The following NRG3 variants were observed in gnomAD, a reference collection of about 807,000 sequenced individuals.
NRG3 encodes the protein pro-neuregulin-3, membrane-bound isoform.
NRG3 carries 31 observed loss-of-function variants against 66.9 expected under a neutral mutation model. The ratio of observed to expected loss-of-function variants is 0.46; its 90% CI spans 0.35 to 0.63. The LOEUF (loss-of-function observed/expected upper bound fraction) is 0.63, where lower values mean the gene tolerates loss of function less well. NRG3 is among the 20% of genes least tolerant of loss of function. NRG3 has a pLI of 0.00. For synonymous variants in NRG3, 393 were observed against 359.4 expected (o/e 1.09, Z -1.06); for missense variants, 910 against 878.9 (o/e 1.04, Z -0.45).
At chr10:81,889,643 C>G (rs1564634432) in intron 1 of NRG3, 2 of 152,152 alleles carry the variant, frequency 1.3e-5, no homozygotes, top group Non-Finnish European at 2.9e-5. Flanking sequence ...AATGGCATCT[C>G]TCTTCTATTT....
chr10:82,145,087 T>C (rs1042324105), intron 1 of NRG3, among the ~76,000 whole-genome samples: 9 of 152,222 alleles, frequency 5.9e-5, no homozygotes, highest in Admixed American at 2.0e-4. Flanking sequence ...GTCTGCATTG[T>C]TTGCATTGCT....
chr10:82,575,179 T>C (rs1326585059), intron 2 of NRG3, among the ~76,000 whole-genome samples: 2 of 151,666 alleles, frequency 1.3e-5, no homozygotes, highest in Non-Finnish European at 2.9e-5. Context: ...ACACAAGAAA[T>C]ATATACATTT....
At chr10:81,998,748 C>A (rs973777897) in intron 1 of NRG3, among the ~76,000 whole-genome samples, 1 of 152,176 alleles carries the variant, frequency 6.6e-6, no homozygotes, top group Non-Finnish European at 1.5e-5. Flanking sequence ...AGAAATAAGT[C>A]TAGCCAAAAG....
intron 4 of NRG3, among the ~76,000 whole-genome samples, chr10:82,872,456 C>T (rs555251208): frequency 6.6e-6 from 1 of 152,204 alleles, no homozygotes; most frequent in Admixed American, 6.5e-5. Flanking sequence ...TATTAGTGAG[C>T]TTACTGATCA....
chr10:82,850,115 A>G (rs1292930322), intron 3 of NRG3, among the ~76,000 whole-genome samples: 1 of 152,202 alleles, frequency 6.6e-6, no homozygotes, highest in African/African-American at 2.4e-5. Flanking sequence ...AGCATTGCAT[A>G]TACAAGGAAA....
At chr10:82,540,357 T>G (rs753866733) in intron 2 of NRG3, among the ~76,000 whole-genome samples, 11 of 152,190 alleles carry the variant, frequency 7.2e-5, no homozygotes, top group Non-Finnish European at 1.6e-4. Context: ...TTCTTTCTCT[T>G]TTTTTCCCTT....
At chr10:81,947,801 A>G (rs898427734) in intron 1 of NRG3, among the ~76,000 whole-genome samples, 2 of 152,102 alleles carry the variant, frequency 1.3e-5, no homozygotes, top group Non-Finnish European at 2.9e-5. Flanking sequence ...TCAGCACTTC[A>G]TTATCGCAGG....
intron 2 of NRG3, among the ~76,000 whole-genome samples, chr10:82,470,374 T>C (rs1333279572): frequency 6.6e-5 from 10 of 152,202 alleles, no homozygotes; most frequent in Non-Finnish European, 1.5e-5. Context: ...AGGCTTCAAT[T>C]TTCTCCTCTC....
At chr10:82,955,065 G>A (rs1183437057) in intron 5 of NRG3, 7 of 151,756 alleles carry the variant, frequency 4.6e-5, no homozygotes, top group Admixed American at 6.6e-5. Context: ...CTGCCCAGAG[G>A]GAGCTGAGAC....
At chr10:82,217,566 G>T (rs1007356705) in intron 1 of NRG3, among the ~76,000 whole-genome samples, 1 of 152,178 alleles carries the variant, frequency 6.6e-6, no homozygotes, top group African/African-American at 2.4e-5. Context: ...GCTTTTCCCA[G>T]CTGTAAAATG....
At chr10:82,927,357 A>AT (rs906770871) in intron 4 of NRG3, among the ~76,000 whole-genome samples, 14 of 152,118 alleles carry the variant, frequency 9.2e-5, no homozygotes, top group African/African-American at 3.4e-4. Flanking sequence ...TATGGAATGT[A>AT]TTTTTTTATT....
chr10:82,367,561 T>C (rs2084621470), intron 2 of NRG3, among the ~76,000 whole-genome samples: 1 of 152,150 alleles, frequency 6.6e-6, no homozygotes, highest in African/African-American at 2.4e-5. Flanking sequence ...ATAAATATTT[T>C]TTAAAGATAA....
chr10:82,760,476 G>C (rs981329325), intron 3 of NRG3, among the ~76,000 whole-genome samples: 6 of 152,042 alleles, frequency 3.9e-5, no homozygotes, highest in Non-Finnish European at 8.8e-5. Context: ...CCAAGGAAGA[G>C]AAAAACATTA....
intron 2 of NRG3, among the ~76,000 whole-genome samples, chr10:82,365,691 G>A (rs2084475383): frequency 1.3e-5 from 2 of 151,986 alleles, no homozygotes; most frequent in Non-Finnish European, 2.9e-5. Context: ...TTTGGATATG[G>A]ATATTTAAGT....
At chr10:82,741,961 T>C (rs767154268) in intron 3 of NRG3, among the ~76,000 whole-genome samples, 1 of 152,192 alleles carries the variant, frequency 6.6e-6, no homozygotes. Flanking sequence ...TGAAATTTCC[T>C]TGTCAAAATT....
intron 2 of NRG3, among the ~76,000 whole-genome samples, chr10:82,515,288 G>A (rs189863991): frequency 1.8e-4 from 27 of 152,088 alleles, no homozygotes; most frequent in Non-Finnish European, 2.9e-4. Context: ...AAACACCCAA[G>A]GAACCTTATT....
At chr10:82,435,068 T>C (rs749347733) in intron 2 of NRG3, among the ~76,000 whole-genome samples, 1 of 152,202 alleles carries the variant, frequency 6.6e-6, no homozygotes, top group Non-Finnish European at 1.5e-5. Flanking sequence ...TGAATCTGTC[T>C]GGTCCTAGGC....
At chr10:82,387,236 C>G (rs1019189679) in intron 2 of NRG3, among the ~76,000 whole-genome samples, 1 of 151,538 alleles carries the variant, frequency 6.6e-6, no homozygotes, top group Non-Finnish European at 1.5e-5. Flanking sequence ...CTTATATTGG[C>G]TTGTTTTAAC....
intron 1 of NRG3, among the ~76,000 whole-genome samples, chr10:82,196,926 A>G (rs2074481342): frequency 6.6e-6 from 1 of 152,228 alleles, no homozygotes; most frequent in Non-Finnish European, 1.5e-5. Flanking sequence ...TGGGAAACTT[A>G]AAGCTACCTC....
Sources: allele counts gnomAD v4.1 joint callset (sites outside exome capture counted in the v4.1 genomes callset), GRCh38; gene constraint gnomAD v4.1.1; transcripts MANE v1.5; gene names NCBI Gene and HGNC (gene_info 2026-07-23, HGNC 2026-07-21).